Variants in CASD1 observed in about 807,000 individuals in gnomAD.
CASD1 encodes the protein N-acetylneuraminate (7)9-O-acetyltransferase.
A neutral mutation model predicts 100.0 loss-of-function variants in CASD1; 41 were observed. That is an observed-to-expected ratio of 0.41 (90% CI 0.32 to 0.53). The LOEUF is 0.53. CASD1 is among the 20% of genes least tolerant of loss of function. The pLI is 0.25. For synonymous variants in CASD1, 321 were observed against 315.6 expected, an observed-to-expected ratio of 1.02 and a Z score of -0.18; for missense variants, 774 against 948.7, an observed-to-expected ratio of 0.82 and a Z score of 2.42.
At chr7:94,553,021 C>T (rs545049157) in intron 16 of CASD1, 3 of 266,494 alleles carry the variant, frequency 1.1e-5, no homozygotes, top group East Asian at 1.0e-4. Flanking sequence ...AGACATAGTT[C>T]CTACTCTTAT....
At chr7:94,543,876 A>G (rs1403855820) in intron 10 of CASD1, among the ~76,000 whole-genome samples, 1 of 152,198 alleles carries the variant, frequency 6.6e-6, no homozygotes, top group Non-Finnish European at 1.5e-5. Context: ...GAAATACCAT[A>G]ATAAATGACA....
chr7:94,617,528 G>A, the CASD1 span: 6 of 152,068 alleles, frequency 3.9e-5, no homozygotes, highest in Non-Finnish European at 8.8e-5. Flanking sequence ...CTCATTCCAC[G>A]GTTCTGCTTT....
intron 3 of CASD1, among the ~76,000 whole-genome samples, chr7:94,525,375 T>C (rs978017647): frequency 6.6e-6 from 1 of 152,184 alleles, no homozygotes. Flanking sequence ...TGGTTTACTT[T>C]GGGTGAAGCA....
chr7:94,553,815 T>TAAAA (rs1554416070), intron 16 of CASD1: 1 of 150,820 alleles, frequency 6.6e-6, no homozygotes, highest in African/African-American at 2.4e-5. Flanking sequence ...AATAAATAAA[T>TAAAA]AAAAAGAAAA....
chr7:94,582,369 C>T, the CASD1 span, among the ~76,000 whole-genome samples: 4 of 152,126 alleles, frequency 2.6e-5, no homozygotes, highest in East Asian at 1.9e-4. Context: ...GTGATCTGCC[C>T]GCCTCGGCCT....
the CASD1 span, chr7:94,617,150 CTA>C: frequency 6.6e-6 from 1 of 152,116 alleles, no homozygotes; most frequent in Non-Finnish European, 1.5e-5. Context: ...GAATCAGTCT[CTA>C]GGGGGAACAA....
intron 3 of CASD1, among the ~76,000 whole-genome samples, chr7:94,526,554 T>C (rs1421575129): frequency 1.3e-5 from 2 of 152,192 alleles, no homozygotes; most frequent in Non-Finnish European, 2.9e-5. Flanking sequence ...TTTGGGAGGC[T>C]GAGGTGAGTG....
At chr7:94,549,702 G>T in intron 14 of CASD1, 68 bp downstream of exon 14, 5 of 1,215,412 alleles carry the variant, frequency 4.1e-6, no homozygotes, top group Non-Finnish European at 3.6e-6. Flanking sequence ...GGAAATTTTT[G>T]ATCTATCTAT....
Position 94,512,257 on chromosome 7 carries a change from TA to T in CASD1, c.133+2048del, listed in dbSNP as rs574660988. Reference sequence around the variant, plus strand: ...TAACACTCATGATAGCTGATGAGCTTAAAAAAAATTGCAAAAAATCTCGTAT... The same window carrying T: ...TAACACTCATGATAGCTGATGAGCTTAAAAAAATTGCAAAAAATCTCGTAT... On this transcript the variant is annotated intron_variant, in intron 1 of 17. Transcript: ENST00000297273. Among the ~76,000 whole-genome samples, 14 of 152,068 alleles carry T rather than the reference TA, an allele frequency of 9.2e-5. No homozygotes were observed. In the East Asian group the frequency reaches 1.4e-3, roughly 15 times the overall value.
intron 10 of CASD1, 33 bp downstream of exon 10, chr7:94,539,089 AG>A: frequency 1.6e-6 from 2 of 1,284,072 alleles, no homozygotes; most frequent in South Asian, 1.2e-5. Flanking sequence ...CAGAAAGTAT[AG>A]GAAGTGATGT....
the CASD1 span, among the ~76,000 whole-genome samples, chr7:94,578,077 C>T: frequency 3.4e-3 from 515 of 152,202 alleles, 3 homozygotes; most frequent in African/African-American, 0.011. Flanking sequence ...TACTGTTTTT[C>T]CTGAATAAAC....
chr7:94,516,901 C>CTT (rs773061890), intron 1 of CASD1, among the ~76,000 whole-genome samples: 1 of 145,548 alleles, frequency 6.9e-6, no homozygotes. Flanking sequence ...ATCCCTTAAA[C>CTT]TTTTTTTTTT....
chr7:94,593,357 A>G, the CASD1 span, among the ~76,000 whole-genome samples: 7 of 152,006 alleles, frequency 4.6e-5, no homozygotes, highest in Non-Finnish European at 1.0e-4. Flanking sequence ...CTATTCCCCA[A>G]TTATTCATTA....
the CASD1 span, among the ~76,000 whole-genome samples, chr7:94,579,765 A>G: frequency 6.6e-6 from 1 of 152,170 alleles, no homozygotes; most frequent in African/African-American, 2.4e-5. Flanking sequence ...TGACTTACCA[A>G]TCATAGCACC....
chr7:94,574,325 C>G, the CASD1 span, among the ~76,000 whole-genome samples: 25 of 152,194 alleles, frequency 1.6e-4, no homozygotes, highest in East Asian at 3.5e-3. Flanking sequence ...CTTTGTACAT[C>G]TGGTAGAATT....
rs1796203811 is a variant in CASD1 at position 94,556,331 on chromosome 7, C to T, written c.*573C>T. The T allele has an allele frequency of 6.6e-6, 1 of 152,124 alleles. No homozygotes were observed. Among genetic ancestry groups the T allele is most frequent in the Non-Finnish European group, 1.5e-5 (1 of 68,014 alleles). 9.4% of individuals were successfully genotyped at this position (152,124 alleles called of 1,614,324 possible). ...GATGTTGTTTCCTGAAATGATTTTT[C>T]TTCCTAACTGTGGTTTTCGGGTATG... On this transcript the variant is annotated 3_prime_UTR_variant, in exon 18 of 18. Transcript: ENST00000297273.
chr7:94,601,003 G>C, the CASD1 span: 1 of 706,318 alleles, frequency 1.4e-6, no homozygotes, highest in African/African-American at 1.8e-5. Flanking sequence ...GAATTTGCAA[G>C]TATTTATTGG....
chr7:94,628,047 C>G, the CASD1 span: 96 of 586,112 alleles, frequency 1.6e-4, 1 homozygote, highest in South Asian at 2.1e-3. Flanking sequence ...TGGCACATTT[C>G]CAAATGTTAT....
the CASD1 span, chr7:94,589,061 G>A: frequency 2.8e-6 from 1 of 358,128 alleles, no homozygotes; most frequent in Non-Finnish European, 5.3e-6. Flanking sequence ...ACATAGCTAG[G>A]ACATGGTAGG....
Sources: allele counts gnomAD v4.1 joint callset (sites outside exome capture counted in the v4.1 genomes callset), GRCh38; gene constraint gnomAD v4.1.1; transcripts MANE v1.5; gene names NCBI Gene and HGNC (gene_info 2026-07-23, HGNC 2026-07-21).